The following FOXN2 variants were observed in gnomAD, a reference collection of about 807,000 sequenced individuals.
FOXN2 encodes the protein forkhead box protein N2.
A neutral mutation model predicts 41.2 loss-of-function variants in FOXN2; 19 were observed. The observed-to-expected ratio is 0.46, with a 90% CI of 0.32 to 0.68. FOXN2 has a LOEUF of 0.68. Among genes scored for constraint, FOXN2 ranks in the 30% least tolerant of loss-of-function variants. The probability of loss-of-function intolerance (pLI) is 0.03; values close to 1 mark genes in which losing one functional copy is unlikely to be tolerated. For missense variants in FOXN2, 587 were observed against 509.4 expected (o/e 1.15, Z -1.47); for synonymous variants, 195 against 176.8 (o/e 1.10, Z -0.82).
chr2:48,322,437 GT>G (rs1421465507), intron 1 of FOXN2, among the ~76,000 whole-genome samples: 1 of 152,092 alleles, frequency 6.6e-6, no homozygotes, highest in Non-Finnish European at 1.5e-5. Flanking sequence ...AATGAATTAA[GT>G]TTTTGGTTTT....
chr2:48,332,179 G>C (rs1670058877), intron 2 of FOXN2, among the ~76,000 whole-genome samples: 1 of 152,034 alleles, frequency 6.6e-6, no homozygotes, highest in South Asian at 2.1e-4. Flanking sequence ...TTGTTTTTGA[G>C]AATGGCATTA....
intron 2 of FOXN2, among the ~76,000 whole-genome samples, chr2:48,339,161 C>G (rs945052269): frequency 3.9e-5 from 6 of 152,112 alleles, no homozygotes; most frequent in Non-Finnish European, 8.8e-5. Context: ...ATAAAAAGGT[C>G]TTCTGCCCTG....
chr2:48,359,029 T>A lies in FOXN2; in HGVS notation c.538-18T>A. The A allele has an allele frequency of 1.3e-6, 2 of 1,580,514 alleles. No homozygotes were observed. Among genetic ancestry groups the A allele is most frequent in the South Asian group, 2.2e-5 (2 of 89,322 alleles). ...TATGTATAAAAGTTCCTAGTTATTC[T>A]TGTGCATTTTATTCTAGGTTAATGG... On this transcript the variant is annotated intron_variant, in intron 3 of 6. Coordinates refer to ENST00000340553, the MANE Select transcript of FOXN2 (RefSeq NM_002158.4).
intron 2 of FOXN2, among the ~76,000 whole-genome samples, chr2:48,343,892 T>C (rs1027755428): frequency 6.6e-6 from 1 of 152,176 alleles, no homozygotes; most frequent in Non-Finnish European, 1.5e-5. Flanking sequence ...GAATCTGTAA[T>C]GTAGTAAAAT....
intron 5 of FOXN2, among the ~76,000 whole-genome samples, chr2:48,362,986 A>T (rs1672294112): frequency 1.3e-5 from 2 of 152,330 alleles, no homozygotes; most frequent in Non-Finnish European, 2.9e-5. Flanking sequence ...AAACTATGTC[A>T]CTAGTTTATG....
upstream of FOXN2, among the ~76,000 whole-genome samples, chr2:48,314,211 C>T (rs1668728381): frequency 6.6e-6 from 1 of 152,276 alleles, no homozygotes; most frequent in Non-Finnish European, 1.5e-5. Flanking sequence ...AGCCCGGGCA[C>T]AGGCACCGAG....
chr2:48,375,175 G>T lies in FOXN2; in HGVS notation c.1028G>T (p.Gly343Val). The T allele has an allele frequency of 6.2e-7, 1 of 1,614,138 alleles. No homozygotes were observed. The change falls in exon 7 of 7, where the codon GGC becomes GTC. Residue 343 changes from glycine to valine, a missense_variant. Physicochemically the swap from Gly to Val is moderately radical, Grantham distance 109. Transcript: ENST00000340553. ...AAGAATAGTCACGTGGGAAGTGATG[G>T]CAGTGAAGGATTTCACAGTGAAGAA... ...IPKNSHVGSDGSEGFHSEEDT... is the reference protein window; with the variant it reads ...IPKNSHVGSDVSEGFHSEEDT...
At chr2:48,334,681 G>A (rs1392721721) in intron 2 of FOXN2, among the ~76,000 whole-genome samples, 1 of 152,192 alleles carries the variant, frequency 6.6e-6, no homozygotes, top group Non-Finnish European at 1.5e-5. Flanking sequence ...CAAATCAGGT[G>A]AGCTTCTCTG....
intron 5 of FOXN2, among the ~76,000 whole-genome samples, chr2:48,363,140 A>G (rs1672305080): frequency 6.6e-6 from 1 of 152,158 alleles, no homozygotes; most frequent in African/African-American, 2.4e-5. Context: ...CTCTGTGTTT[A>G]TTGTCCCTAA....
intron 3 of FOXN2, among the ~76,000 whole-genome samples, chr2:48,352,477 A>G (rs983215553): frequency 6.6e-6 from 1 of 151,966 alleles, no homozygotes; most frequent in Non-Finnish European, 1.5e-5. Context: ...AGTGTTCACT[A>G]TTTTGTCTTT....
Position 48,375,311 on chromosome 2 carries a change from G to A in FOXN2, c.1164G>A (p.Gln388=). The A allele has an allele frequency of 1.9e-6, 3 of 1,613,860 alleles. No homozygotes were observed. The highest frequency in any genetic ancestry group is 1.7e-6 in the Non-Finnish European group (2 of 1,179,928). Reference sequence around the variant, plus strand: ...AGTCAGGCAAAAAGATGCGAAAACAGACATGTCAAGAAATTGATGAGGAGC... The same window carrying A: ...AGTCAGGCAAAAAGATGCGAAAACAAACATGTCAAGAAATTGATGAGGAGC... The part of the protein sequence containing the change: ...KGQSGKKMRK[Q]TCQEIDEELK... The change falls in exon 7 of 7, where the codon CAG becomes CAA. Residue 388 remains glutamine, a synonymous_variant. Transcript: ENST00000340553.
intron 1 of FOXN2, among the ~76,000 whole-genome samples, chr2:48,316,518 A>G (rs1308701461): frequency 6.6e-6 from 1 of 152,146 alleles, no homozygotes; most frequent in African/African-American, 2.4e-5. Context: ...CAGTGAAAAT[A>G]CTTTTTTAGG....
In FOXN2 at chr2:48,346,763, T is replaced by C. The variant is rs761289699; in HGVS notation, c.537+12T>C. On this transcript the variant is annotated intron_variant, in intron 3 of 6. Coordinates refer to ENST00000340553, the MANE Select transcript of FOXN2 (RefSeq NM_002158.4). ...GAAGCCATGGCAAGGTCAGTGTTTATGAACATTGCTATATTTGGTGAGGTG... is the reference window on the plus strand; with the variant it reads ...GAAGCCATGGCAAGGTCAGTGTTTACGAACATTGCTATATTTGGTGAGGTG... 1 of 1,551,678 alleles carries C rather than the reference T, an allele frequency of 6.4e-7. No individual in the cohort carries two copies. The highest frequency in any genetic ancestry group is 1.4e-5 in the African/African-American group (1 of 72,792).
chr2:48,320,208 T>A (rs1669206701), intron 1 of FOXN2, among the ~76,000 whole-genome samples: 1 of 152,192 alleles, frequency 6.6e-6, no homozygotes. Flanking sequence ...TGAAGAATTA[T>A]TAATAATCAT....
intron 1 of FOXN2, among the ~76,000 whole-genome samples, chr2:48,327,515 G>A (rs534004955): frequency 2.0e-5 from 3 of 151,610 alleles, no homozygotes; most frequent in Non-Finnish European, 4.4e-5. Context: ...GCACGATCTT[G>A]GCTCACTGCA....
intron 6 of FOXN2, 80 bp from the exon 7 acceptor site, chr2:48,374,840 A>T: frequency 8.6e-7 from 1 of 1,162,802 alleles, no homozygotes; most frequent in Non-Finnish European, 1.2e-6. Flanking sequence ...GTTGCTCAAG[A>T]GTAATGTAGT....
At chr2:48,365,921 T>A (rs1273764923) in intron 5 of FOXN2, among the ~76,000 whole-genome samples, 1 of 152,228 alleles carries the variant, frequency 6.6e-6, no homozygotes, top group Non-Finnish European at 1.5e-5. Context: ...TTTATATTAT[T>A]TCTAGAGAGA....
intron 2 of FOXN2, among the ~76,000 whole-genome samples, chr2:48,334,815 G>C (rs895046264): frequency 4.6e-5 from 7 of 152,124 alleles, no homozygotes; most frequent in Non-Finnish European, 1.0e-4. Context: ...CTTTATAAGA[G>C]TGATATAGAA....
At chr2:48,369,949 A>T (rs1672780224) in intron 5 of FOXN2, among the ~76,000 whole-genome samples, 1 of 152,080 alleles carries the variant, frequency 6.6e-6, no homozygotes, top group African/African-American at 2.4e-5. Context: ...ACAGTGAGCC[A>T]TAATTGTGTC....
Sources: gnomAD v4.1 joint callset for allele counts (sites outside exome capture counted in the v4.1 genomes callset) on GRCh38, gnomAD v4.1.1 for gene constraint, MANE v1.5 for transcripts, NCBI Gene and HGNC (gene_info 2026-07-23, HGNC 2026-07-21) for gene names.